Variants in PANK4 observed in about 807,000 individuals in gnomAD.
The protein encoded by PANK4 is 4'-phosphopantetheine phosphatase.
A neutral mutation model predicts 87.9 loss-of-function variants in PANK4; 40 were observed. The observed-to-expected ratio is 0.46, with a 90% CI of 0.35 to 0.59. The LOEUF (loss-of-function observed/expected upper bound fraction) is 0.59. Ranked by LOEUF, PANK4 falls within the 20% of genes least tolerant of loss-of-function variation. The probability of loss-of-function intolerance (pLI) is 0.00; values close to 1 mark genes in which losing one functional copy is unlikely to be tolerated. For synonymous variants in PANK4, 524 were observed against 467.4 expected (o/e 1.12, Z -1.56); for missense variants, 926 against 1,072.3 (o/e 0.86, Z 1.90).
intron 9 of PANK4, among the ~76,000 whole-genome samples, chr1:2,516,264 T>C (rs754842573): frequency 6.6e-6 from 1 of 152,084 alleles, no homozygotes; most frequent in Admixed American, 6.5e-5. Context: ...CATGCACCCT[T>C]CTTCCTCCAT....
At position 2,518,149 on chromosome 1, in the gene PANK4, G is replaced by C. The variant is rs1255870897; in HGVS notation, c.1218+15C>G. ...GCTCCCCTGGGGCCCGGGGCGGCCA[G>C]AGCCCACTACTCACAGTGCCACTCC... On this transcript the variant is annotated intron_variant, in intron 9 of 18. Transcript: ENST00000378466. The C allele has an allele frequency of 1.3e-6, 2 of 1,562,142 alleles. No individual in the cohort carries two copies. The highest frequency in any genetic ancestry group is 8.7e-7 in the Non-Finnish European group (1 of 1,147,538).
At chr1:2,514,604 GA>G (rs1443252713) in intron 10 of PANK4, 138 bp from the exon 11 acceptor site, 1 of 535,670 alleles carries the variant, frequency 1.9e-6, no homozygotes. Context: ...GCGGCTGTAG[GA>G]GGCCTGGTGC....
intron 1 of PANK4, among the ~76,000 whole-genome samples, chr1:2,523,341 C>T (rs191825565): frequency 9.8e-5 from 15 of 152,302 alleles, no homozygotes; most frequent in Middle Eastern, 6.8e-3. Context: ...GCCTCCTTAT[C>T]CCCTCCCCTG....
At position 2,509,833 on chromosome 1, in the gene PANK4, G is replaced by C. The variant is rs201701786; in HGVS notation, c.2108+29C>G. On this transcript the variant is annotated intron_variant, in intron 18 of 18. Coordinates refer to ENST00000378466, the MANE Select transcript of PANK4 (RefSeq NM_018216.4). This position sits in a 1 kb window ranked among gnomAD's most constrained non-coding sequence, Gnocchi z 4.9. ...CACAGAGGGCACAGAGCCCAGGAGG[G>C]AGAGAACAGGTGCAGGGTGCGGGGT... 2.4e-5 allele frequency: 38 copies of C among 1,598,222 alleles called. No homozygotes were observed. Among genetic ancestry groups the C allele is most frequent in the Non-Finnish European group, 2.8e-5 (33 of 1,169,084 alleles).
intron 2 of PANK4, 38 bp downstream of exon 2, chr1:2,521,680 C>T (rs766864810): frequency 1.5e-5 from 23 of 1,505,926 alleles, no homozygotes; most frequent in South Asian, 6.7e-5. Flanking sequence ...GACAGAGAAG[C>T]GGCTGCCCTG....
chr1:2,522,313 C>T (rs888062954), intron 1 of PANK4, among the ~76,000 whole-genome samples: 1 of 152,188 alleles, frequency 6.6e-6, no homozygotes, highest in African/African-American at 2.4e-5. Context: ...CAAACGGTGC[C>T]GCTGGCTACT....
chr1:2,517,642 T>C (rs373313193), intron 9 of PANK4, among the ~76,000 whole-genome samples: 2 of 152,206 alleles, frequency 1.3e-5, no homozygotes, highest in Non-Finnish European at 2.9e-5. Flanking sequence ...GTGCGTCTCC[T>C]AGCCCGCCAG....
Position 2,510,178 on chromosome 1 carries a change from C to T in PANK4, c.1939-21G>A. The T allele has an allele frequency of 1.3e-6, 2 of 1,490,794 alleles. No homozygotes were observed. Among genetic ancestry groups the T allele is most frequent in the Non-Finnish European group, 1.8e-6 (2 of 1,081,830 alleles). The allele number at this position is 1,490,794 out of a possible 1,614,324, so 92.3% of individuals were successfully genotyped here. A position where few individuals can be genotyped will look rare whatever the true frequency, so the allele number is the denominator to read the frequency against. On this transcript the variant is annotated intron_variant, in intron 16 of 18. Coordinates refer to ENST00000378466, the MANE Select transcript of PANK4 (RefSeq NM_018216.4). This position sits in a 1 kb window ranked among gnomAD's most constrained non-coding sequence, Gnocchi z 4.9. ...ATGACCTGCAGGAGGAGGGCCCAGG[C>T]TCTTTAGGAACCTGTGCTGGCCCAG...
At position 2,521,088 on chromosome 1, in the gene PANK4, G is replaced by A. The variant is rs1245324471; in HGVS notation, c.422+13C>T. On this transcript the variant is annotated intron_variant, in intron 3 of 18. Coordinates refer to ENST00000378466, the MANE Select transcript of PANK4 (RefSeq NM_018216.4). ...ACACATGTTCCTTTCTCGCCCTTGA[G>A]ATCCCCACTCACTTCAGCCGCAGCT... The A allele has an allele frequency of 6.2e-7, 1 of 1,605,716 alleles. No homozygotes were observed. Among genetic ancestry groups the A allele is most frequent in the Non-Finnish European group, 8.5e-7 (1 of 1,173,508 alleles).
intron 7 of PANK4, among the ~76,000 whole-genome samples, chr1:2,518,811 T>G (rs1179313924): frequency 6.6e-6 from 1 of 152,238 alleles, no homozygotes; most frequent in Non-Finnish European, 1.5e-5. Flanking sequence ...GCTTCTCCCA[T>G]GCAGCGAGTC....
rs145608246 is a variant in PANK4, at chr1:2,518,522, G to C, written c.1111C>G (p.Gln371Glu). Residue 371 changes from glutamine to glutamate, a missense_variant, in exon 8 of 19, where the codon CAG becomes GAG. Coordinates refer to ENST00000378466, the MANE Select transcript of PANK4 (RefSeq NM_018216.4). ...AIGAFLKGAEQDNPNQYSWGE... is the reference protein window; with the variant it reads ...AIGAFLKGAEEDNPNQYSWGE... ...CGCCAGCACCGCGACTCACTGTCCTGCTCAGCTCCTTTCAGGAACGCTCCG... is the reference window on the plus strand; with the variant it reads ...CGCCAGCACCGCGACTCACTGTCCTCCTCAGCTCCTTTCAGGAACGCTCCG... 6.4e-7 allele frequency: 1 copy of C among 1,563,530 alleles called. No homozygotes were observed. The highest frequency in any genetic ancestry group is 1.4e-5 in the African/African-American group (1 of 73,704).
At chr1:2,512,823 G>A (rs955827460) in intron 13 of PANK4, 65 bp downstream of exon 13, 54 of 1,539,618 alleles carry the variant, frequency 3.5e-5, no homozygotes, top group South Asian at 4.5e-5. Context: ...CTCCTTGCCC[G>A]CAAGCCTGGG....
At chr1:2,511,446 A>T in intron 14 of PANK4, 59 bp from the exon 15 acceptor site, 1 of 1,330,454 alleles carries the variant, frequency 7.5e-7, no homozygotes. Flanking sequence ...GGTCAGGGAG[A>T]CGCGTCTTCA....
At chr1:2,526,229 G>A (rs1643921932) in intron 1 of PANK4, 1 of 155,342 alleles carries the variant, frequency 6.4e-6, no homozygotes, top group East Asian at 1.9e-4. Flanking sequence ...TCTGGTCCCT[G>A]CGGCGCCTGC....
chr1:2,521,374 T>C, intron 2 of PANK4, 59 bp from the exon 3 acceptor site: 3 of 1,298,812 alleles, frequency 2.3e-6, no homozygotes, highest in Non-Finnish European at 3.4e-6. Context: ...GGCTGGGCTG[T>C]GCGCACCCTG....
At chr1:2,523,827 C>T (rs1384573259) in intron 1 of PANK4, among the ~76,000 whole-genome samples, 1 of 152,220 alleles carries the variant, frequency 6.6e-6, no homozygotes, top group African/African-American at 2.4e-5. Context: ...CAGCAAACCG[C>T]GCCTGGCAAG....
rs1264649014 is a variant in PANK4, at chr1:2,521,192, G to A, written c.331C>T (p.His111Tyr). Residue 111 changes from histidine to tyrosine, a missense_variant, in exon 3 of 19, where the codon CAT becomes TAT. Transcript: ENST00000378466. ...ACCTTGGTCTCTGTGTTGACGAGAT[G>A]GTCTTTGATGAAGTCCAGGCAGGCT... Reference protein sequence around the residue: ...IEACLDFIKDHLVNTETKVIQ... With the variant: ...IEACLDFIKDYLVNTETKVIQ... The A allele has an allele frequency of 1.9e-6, 3 of 1,613,810 alleles. No homozygotes were observed. The highest frequency in any genetic ancestry group is 2.7e-5 in the African/African-American group (2 of 74,932).
At position 2,520,637 on chromosome 1, in the gene PANK4, G is replaced by T. The variant is rs2100791066; in HGVS notation, c.606+86C>A. On this transcript the variant is annotated intron_variant, in intron 4 of 18. Coordinates refer to ENST00000378466, the MANE Select transcript of PANK4 (RefSeq NM_018216.4). The surrounding 1 kb of genome is among the most constrained non-coding windows in gnomAD (Gnocchi z 6.2). ...CCCGCCCACTGGGCCCCATCCATGTGCCCAGCCCTGGCTCCTGCACACAGC... is the reference window on the plus strand; with the variant it reads ...CCCGCCCACTGGGCCCCATCCATGTTCCCAGCCCTGGCTCCTGCACACAGC... 7.4e-7 allele frequency: 1 copy of T among 1,347,338 alleles called. No homozygotes were observed. The highest frequency in any genetic ancestry group is 1.0e-6 in the Non-Finnish European group (1 of 961,368). The allele number at this position is 1,347,338 out of a possible 1,614,324, so 83.5% of individuals were successfully genotyped here. A position where few individuals can be genotyped will look rare whatever the true frequency, so the allele number is the denominator to read the frequency against.
chr1:2,510,860 C>T lies in PANK4; in HGVS notation c.1834-78G>A, dbSNP rs1397060923. On this transcript the variant is annotated intron_variant, in intron 15 of 18. Coordinates refer to ENST00000378466, the MANE Select transcript of PANK4 (RefSeq NM_018216.4). The surrounding 1 kb of genome is among the most constrained non-coding windows in gnomAD (Gnocchi z 4.9). ...CAGTCCGCACCCCTGCTGCCCGTCA[C>T]GCTGCCCTGCAGGGGCCGAGACTGG... is the stretch of plus-strand genomic sequence containing the variant. 29 of 862,692 alleles carry T rather than the reference C, an allele frequency of 3.4e-5. No individual in the cohort carries two copies. In the East Asian group the frequency reaches 5.1e-4, roughly 15 times the overall value. The allele number at this position is 862,692 out of a possible 1,614,324, so 53.4% of individuals were successfully genotyped here.
Sources: allele counts gnomAD v4.1 joint callset (sites outside exome capture counted in the v4.1 genomes callset), GRCh38; gene constraint gnomAD v4.1.1; non-coding constraint Gnocchi (gnomAD v3.1); transcripts MANE v1.5; gene names NCBI Gene and HGNC (gene_info 2026-07-23, HGNC 2026-07-21).